The following UBE2G1 variants were observed in gnomAD, a reference collection of about 807,000 sequenced individuals.
UBE2G1 encodes the protein ubiquitin-conjugating enzyme E2 G1.
A neutral mutation model predicts 22.7 loss-of-function variants in UBE2G1; 5 were observed. That is an observed-to-expected ratio of 0.22 (90% confidence interval 0.12 to 0.46). The LOEUF is 0.46. UBE2G1 is among the 20% of genes least tolerant of loss of function. The pLI is 0.99. For missense variants in UBE2G1, 88 were observed against 203.9 expected (o/e 0.43, Z 3.46); for synonymous variants, 74 against 67.5 (o/e 1.10, Z -0.47).
intron 1 of UBE2G1, among the ~76,000 whole-genome samples, chr17:4,343,183 T>C (rs1186235217): frequency 1.3e-5 from 2 of 152,230 alleles, no homozygotes; most frequent in Non-Finnish European, 2.9e-5. Flanking sequence ...ATTTGTTAAA[T>C]GTAGAATTCA....
intron 1 of UBE2G1, among the ~76,000 whole-genome samples, chr17:4,311,565 A>G (rs116853780): frequency 9.8e-5 from 15 of 152,358 alleles, no homozygotes; most frequent in Middle Eastern, 6.8e-3. Flanking sequence ...GACTTATTCT[A>G]TATGATATAT....
chr17:4,361,853 A>C (rs1969971673), intron 1 of UBE2G1, among the ~76,000 whole-genome samples: 1 of 152,002 alleles, frequency 6.6e-6, no homozygotes, highest in Non-Finnish European at 1.5e-5. Flanking sequence ...GAGGCACAAG[A>C]AACGCTTGAA....
At chr17:4,334,230 T>A (rs957959207) in intron 1 of UBE2G1, among the ~76,000 whole-genome samples, 4 of 151,876 alleles carry the variant, frequency 2.6e-5, no homozygotes, top group African/African-American at 9.7e-5. Context: ...CAAGGTACAT[T>A]TCCATTATAT....
chr17:4,312,143 G>A, intron 1 of UBE2G1, among the ~76,000 whole-genome samples: 1 of 151,768 alleles, frequency 6.6e-6, no homozygotes, highest in East Asian at 1.9e-4. Flanking sequence ...CTACTTGGGA[G>A]GCAGGAGAAT....
At chr17:4,285,693 T>C (rs189805576) in intron 4 of UBE2G1, among the ~76,000 whole-genome samples, 314 of 152,326 alleles carry the variant, frequency 2.1e-3, no homozygotes, top group African/African-American at 7.1e-3. Context: ...GGCTCATGCC[T>C]GTAATCCCAG....
intron 2 of UBE2G1, among the ~76,000 whole-genome samples, chr17:4,306,464 C>G (rs1969250073): frequency 1.3e-5 from 2 of 152,076 alleles, no homozygotes; most frequent in Admixed American, 1.3e-4. Flanking sequence ...GCTGGGATTG[C>G]AGGCATGAGC....
At chr17:4,325,846 T>C (rs1024365116) in intron 1 of UBE2G1, among the ~76,000 whole-genome samples, 4 of 152,204 alleles carry the variant, frequency 2.6e-5, no homozygotes, top group Non-Finnish European at 4.4e-5. Flanking sequence ...TTCAACAAGG[T>C]TGACTAGACC....
chr17:4,325,463 A>AAT (rs1969495239), intron 1 of UBE2G1, among the ~76,000 whole-genome samples: 1 of 152,232 alleles, frequency 6.6e-6, no homozygotes, highest in Non-Finnish European at 1.5e-5. Context: ...TGTATAAGTG[A>AAT]ATATATGAAA....
At chr17:4,363,207 A>C (rs1403708917) in intron 1 of UBE2G1, among the ~76,000 whole-genome samples, 1 of 152,224 alleles carries the variant, frequency 6.6e-6, no homozygotes, top group Non-Finnish European at 1.5e-5. Flanking sequence ...ATTTCAATTA[A>C]AATTCATTTG....
chr17:4,289,438 T>C, intron 3 of UBE2G1, 30 bp from the exon 4 acceptor site: 1 of 1,476,828 alleles, frequency 6.8e-7, no homozygotes, highest in Non-Finnish European at 9.0e-7. Flanking sequence ...GCTTGTTTCA[T>C]ATATTACTAA....
chr17:4,355,915 G>T (rs1969901127), intron 1 of UBE2G1, among the ~76,000 whole-genome samples: 1 of 148,090 alleles, frequency 6.8e-6, no homozygotes, highest in African/African-American at 2.5e-5. Flanking sequence ...GGTCAGGCTG[G>T]TCTCAAACTC....
chr17:4,322,311 C>G (rs1347246784), intron 1 of UBE2G1, among the ~76,000 whole-genome samples: 1 of 152,226 alleles, frequency 6.6e-6, no homozygotes, highest in Non-Finnish European at 1.5e-5. Flanking sequence ...AGGGGAACAA[C>G]AGGTGTGATT....
At chr17:4,311,972 C>T (rs1156457190) in intron 1 of UBE2G1, among the ~76,000 whole-genome samples, 1 of 152,082 alleles carries the variant, frequency 6.6e-6, no homozygotes, top group East Asian at 1.9e-4. Context: ...ATCTACTGGG[C>T]ACGGTGGCTC....
intron 1 of UBE2G1, among the ~76,000 whole-genome samples, chr17:4,324,552 A>C (rs944003884): frequency 6.6e-6 from 1 of 152,128 alleles, no homozygotes; most frequent in Non-Finnish European, 1.5e-5. Context: ...GTTTGCAGGA[A>C]ATCTAGGGGA....
At chr17:4,295,252 T>C (rs1273011120) in intron 3 of UBE2G1, among the ~76,000 whole-genome samples, 1 of 152,246 alleles carries the variant, frequency 6.6e-6, no homozygotes, top group Non-Finnish European at 1.5e-5. Flanking sequence ...GCCCGCATCA[T>C]GCAGGAATAC....
intron 1 of UBE2G1, among the ~76,000 whole-genome samples, chr17:4,316,220 G>A (rs1969370341): frequency 2.0e-5 from 3 of 152,082 alleles, no homozygotes; most frequent in Non-Finnish European, 2.9e-5. Context: ...CTCCTGCTCC[G>A]GGAATGTGAG....
chr17:4,338,545 T>A (rs1969675812), intron 1 of UBE2G1, among the ~76,000 whole-genome samples: 1 of 152,212 alleles, frequency 6.6e-6, no homozygotes, highest in Non-Finnish European at 1.5e-5. Context: ...GGTAATTCTT[T>A]TATTAAACTA....
intron 1 of UBE2G1, among the ~76,000 whole-genome samples, chr17:4,342,111 TC>T (rs1399402986): frequency 6.6e-6 from 1 of 152,214 alleles, no homozygotes; most frequent in Non-Finnish European, 1.5e-5. Context: ...CTCACTGAAT[TC>T]CAGATCAAAT....
At chr17:4,308,377 T>A (rs1400990556) in intron 1 of UBE2G1, among the ~76,000 whole-genome samples, 1 of 150,322 alleles carries the variant, frequency 6.7e-6, no homozygotes, top group Non-Finnish European at 1.5e-5. Flanking sequence ...ATAAATAAAT[T>A]AGCTGGGCAT....
Sources: gnomAD v4.1 joint callset for allele counts (sites outside exome capture counted in the v4.1 genomes callset) on GRCh38, gnomAD v4.1.1 for gene constraint, MANE v1.5 for transcripts, NCBI Gene and HGNC (gene_info 2026-07-23, HGNC 2026-07-21) for gene names.